The following COMMD10 variants were observed in gnomAD, a reference collection of about 807,000 sequenced individuals.
The protein encoded by COMMD10 is COMM domain containing 10.
In COMMD10, 33 loss-of-function variants were observed where a neutral mutation model predicts 28.9. The observed-to-expected ratio is 1.14, with a 90% CI of 0.87 to 1.53. COMMD10 has a LOEUF of 1.53. COMMD10 is among the 40% of genes most tolerant of loss of function. COMMD10 has a pLI of 0.00. For missense variants in COMMD10, 310 were observed against 233.4 expected, an observed-to-expected ratio of 1.33 and a Z score of -2.14; for synonymous variants, 110 against 81.7, an observed-to-expected ratio of 1.35 and a Z score of -1.87.
chr5:116,109,509 G>T (rs1439397775), intron 4 of COMMD10, among the ~76,000 whole-genome samples: 1 of 152,146 alleles, frequency 6.6e-6, no homozygotes, highest in Non-Finnish European at 1.5e-5. Flanking sequence ...CCTGAGAATT[G>T]CTTGAACCTG....
chr5:116,160,764 G>A (rs960771602), intron 5 of COMMD10, among the ~76,000 whole-genome samples: 1 of 152,098 alleles, frequency 6.6e-6, no homozygotes, highest in Non-Finnish European at 1.5e-5. Flanking sequence ...TTTAATTAAG[G>A]CAACATGCAT....
intron 5 of COMMD10, among the ~76,000 whole-genome samples, chr5:116,242,604 T>C (rs910632475): frequency 6.6e-6 from 1 of 152,220 alleles, no homozygotes; most frequent in Non-Finnish European, 1.5e-5. Context: ...TCTGGAACTA[T>C]GTCCTTAACA....
At chr5:116,112,116 CT>C (rs1277294770) in intron 4 of COMMD10, among the ~76,000 whole-genome samples, 2 of 152,088 alleles carry the variant, frequency 1.3e-5, no homozygotes, top group Non-Finnish European at 2.9e-5. Context: ...GACAAATTCT[CT>C]TAGTATTCTG....
chr5:116,260,579 G>GAACTTCACT lies in COMMD10; in HGVS notation c.511-30938_511-30937insAACTTCACT, dbSNP rs1750416790. On this transcript the variant is annotated intron_variant, in intron 5 of 6. Coordinates refer to ENST00000274458, the MANE Select transcript of COMMD10 (RefSeq NM_016144.4). ...ATGTACTTTAATGGAGATCACAAAA[G>GAACTTCACT]GACTTCACTGTCTTGTTCTATGCAA... 2.0e-5 allele frequency among the ~76,000 whole-genome samples: 3 copies of GAACTTCACT among 151,714 alleles called. No individual in the cohort carries two copies. The South Asian group carries it at 6.2e-4, about 31-fold the overall frequency.
intron 4 of COMMD10, among the ~76,000 whole-genome samples, chr5:116,112,474 G>T (rs1210805646): frequency 6.6e-6 from 1 of 151,856 alleles, no homozygotes; most frequent in Non-Finnish European, 1.5e-5. Flanking sequence ...TCAGCTCACT[G>T]CAACCTCCGT....
At chr5:116,105,630 T>G (rs577537928) in intron 4 of COMMD10, among the ~76,000 whole-genome samples, 1 of 152,314 alleles carries the variant, frequency 6.6e-6, no homozygotes, top group East Asian at 1.9e-4. Flanking sequence ...CTGCCTCAGT[T>G]TCAGAACTTC....
At chr5:116,227,558 G>A (rs562304697) in intron 5 of COMMD10, among the ~76,000 whole-genome samples, 7 of 152,152 alleles carry the variant, frequency 4.6e-5, no homozygotes, top group African/African-American at 1.4e-4. Flanking sequence ...CTCTGCCACA[G>A]GTAATAACCC....
intron 5 of COMMD10, among the ~76,000 whole-genome samples, chr5:116,228,543 G>A (rs190926787): frequency 1.3e-4 from 20 of 152,004 alleles, no homozygotes; most frequent in African/African-American, 4.8e-4. Context: ...TAATAGTTTT[G>A]ACAAAGAACC....
intron 5 of COMMD10, among the ~76,000 whole-genome samples, chr5:116,263,645 C>T (rs1399033863): frequency 1.3e-5 from 2 of 151,636 alleles, no homozygotes; most frequent in East Asian, 3.9e-4. Context: ...TCTCCACAAT[C>T]GTTTTTCTTA....
At chr5:116,244,889 A>G (rs1041467389) in intron 5 of COMMD10, among the ~76,000 whole-genome samples, 6 of 151,976 alleles carry the variant, frequency 3.9e-5, no homozygotes, top group African/African-American at 1.4e-4. Context: ...AAAGATCTCA[A>G]GTTAACTTAC....
intron 2 of COMMD10, among the ~76,000 whole-genome samples, chr5:116,090,372 G>A (rs940857008): frequency 4.6e-5 from 7 of 152,194 alleles, no homozygotes; most frequent in Non-Finnish European, 8.8e-5. Flanking sequence ...CTCATCCAGC[G>A]TGCCAGCGGT....
chr5:116,116,811 C>T (rs1020048840), intron 4 of COMMD10, among the ~76,000 whole-genome samples: 100 of 151,852 alleles, frequency 6.6e-4, no homozygotes, highest in Non-Finnish European at 9.6e-4. Flanking sequence ...CTCCGCTTCC[C>T]GGGTTCACGC....
chr5:116,119,379 G>C (rs994769324), intron 4 of COMMD10, among the ~76,000 whole-genome samples: 2 of 152,184 alleles, frequency 1.3e-5, no homozygotes, highest in African/African-American at 4.8e-5. Flanking sequence ...TAAAAGTACA[G>C]AGTGCCAAAA....
intron 5 of COMMD10, among the ~76,000 whole-genome samples, chr5:116,228,802 A>G (rs1160782000): frequency 6.6e-6 from 1 of 152,040 alleles, no homozygotes; most frequent in African/African-American, 2.4e-5. Flanking sequence ...AGCCCTGATT[A>G]TAAACAAACT....
chr5:116,291,619 T>C (rs751460410), intron 6 of COMMD10, 43 bp downstream of exon 6: 33 of 1,128,048 alleles, frequency 2.9e-5, no homozygotes, highest in Admixed American at 7.0e-5. Context: ...GGAGTTTTTT[T>C]CATAATATTT....
chr5:116,209,955 T>A (rs1748916108), intron 5 of COMMD10, among the ~76,000 whole-genome samples: 1 of 152,208 alleles, frequency 6.6e-6, no homozygotes, highest in African/African-American at 2.4e-5. Flanking sequence ...CCCATAGTTC[T>A]GAAGGCTGAG....
chr5:116,104,746 A>G (rs1013384488), intron 4 of COMMD10, among the ~76,000 whole-genome samples: 13 of 151,452 alleles, frequency 8.6e-5, no homozygotes, highest in African/African-American at 3.2e-4. Context: ...CAGCCTCCCT[A>G]GTAGCTGGGA....
intron 4 of COMMD10, among the ~76,000 whole-genome samples, chr5:116,120,875 A>G (rs1437087085): frequency 6.6e-6 from 1 of 151,936 alleles, no homozygotes; most frequent in Admixed American, 6.6e-5. Flanking sequence ...AAACCTAATT[A>G]ATGTTTATCT....
At chr5:116,285,575 A>G (rs1026316076) in intron 5 of COMMD10, among the ~76,000 whole-genome samples, 5 of 152,002 alleles carry the variant, frequency 3.3e-5, no homozygotes, top group African/African-American at 4.8e-5. Flanking sequence ...TATGACAGAC[A>G]TAAGTCAGAT....
Sources: allele counts gnomAD v4.1 joint callset (sites outside exome capture counted in the v4.1 genomes callset), GRCh38; gene constraint gnomAD v4.1.1; transcripts MANE v1.5; gene names NCBI Gene and HGNC (gene_info 2026-07-23, HGNC 2026-07-21).